PCDHGA9: variants seen among roughly 807,000 people sequenced by gnomAD.
PCDHGA9 encodes protocadherin gamma subfamily A, 9, also known as protocadherin gamma-A9.
PCDHGA9 carries 37 observed loss-of-function variants against 62.5 expected under a neutral mutation model. The ratio of observed to expected loss-of-function variants is 0.59; its 90% CI spans 0.46 to 0.78. The LOEUF is 0.78. Ranked by LOEUF, PCDHGA9 falls within the 30% of genes least tolerant of loss-of-function variation. The probability of loss-of-function intolerance (pLI) is 0.00; values close to 1 mark genes in which losing one functional copy is unlikely to be tolerated. For synonymous variants in PCDHGA9, 459 were observed against 484.6 expected, an observed-to-expected ratio of 0.95 and a Z score of 0.69; for missense variants, 1,138 against 1,166.2, an observed-to-expected ratio of 0.98 and a Z score of 0.35.
intron 2 of PCDHGA9, among the ~76,000 whole-genome samples, chr5:141,504,268 T>A (rs539485141): frequency 2.2e-4 from 34 of 152,348 alleles, no homozygotes; most frequent in Admixed American, 1.3e-3. Context: ...AGTATTTTTT[T>A]AAATTATGAA....
At chr5:141,433,321 G>T in intron 1 of PCDHGA9, 1 of 788,106 alleles carries the variant, frequency 1.3e-6, no homozygotes. Flanking sequence ...TGCCTCCGGT[G>T]TAACAGGGAC....
In PCDHGA9 at chr5:141,421,903, G is replaced by T. The variant is rs757656265; in HGVS notation, c.2424+16527G>T. 2.5e-6 allele frequency: 4 copies of T among 1,613,704 alleles called. No homozygotes were observed. In the East Asian group the frequency reaches 6.7e-5, roughly 27 times the overall value. ...TGGAGGCGATCCCATCCGAAAGGGCGCAGTTCCCATTCGTGTGGTGGTCCT... is the reference window on the plus strand; with the variant it reads ...TGGAGGCGATCCCATCCGAAAGGGCTCAGTTCCCATTCGTGTGGTGGTCCT... On this transcript the variant is annotated intron_variant, in intron 1 of 3. Transcript: ENST00000573521.
chr5:141,447,298 C>T lies in PCDHGA9; in HGVS notation c.2424+41922C>T, dbSNP rs187482431. 1.7e-3 allele frequency among the ~76,000 whole-genome samples: 260 copies of T among 152,214 alleles called. 2 individuals carry two copies. Among genetic ancestry groups the T allele is most frequent in the African/African-American group, 5.8e-3 (239 of 41,534 alleles). ...GGGACTACAGGCACATGCCACCACA[C>T]CCGGCTAATTTTTGTATTTTTAGTA... On this transcript the variant is annotated intron_variant, in intron 1 of 3. Coordinates refer to ENST00000573521, the MANE Select transcript of PCDHGA9 (RefSeq NM_018921.3).
chr5:141,422,926 G>GC, intron 1 of PCDHGA9: 1 of 1,614,230 alleles, frequency 6.2e-7, no homozygotes, highest in African/African-American at 1.3e-5. Context: ...CCTGTACCCT[G>GC]CCCTCCCCAC....
In PCDHGA9 at chr5:141,476,073, A is replaced by C. The variant is rs765071344; in HGVS notation, c.2425-18734A>C. On this transcript the variant is annotated intron_variant, in intron 1 of 3. Coordinates refer to ENST00000573521, the MANE Select transcript of PCDHGA9 (RefSeq NM_018921.3). The surrounding 1 kb of genome is among the most constrained non-coding windows in gnomAD (Gnocchi z 7.6). ...GCTGAAAGTTTCTCAGCGAAATCTC[A>C]GGGACGATCTGGACCCCGCTGAGAG... 4 of 1,524,010 alleles carry C rather than the reference A, an allele frequency of 2.6e-6. No individual in the cohort carries two copies. Among genetic ancestry groups the C allele is most frequent in the Admixed American group, 4.2e-5 (2 of 47,746 alleles). The allele number at this position is 1,524,010 out of a possible 1,614,324, so 94.4% of individuals were successfully genotyped here. A position where few individuals can be genotyped will look rare whatever the true frequency, so the allele number is the denominator to read the frequency against.
At position 141,403,724 on chromosome 5, in the gene PCDHGA9, G is replaced by A. The variant is rs373210176; in HGVS notation, c.772G>A (p.Gly258Ser). ...TAAAGTCCTTGAGAACGTGCCCCCA[G>A]GCACCTGGCTGCTTACTGCAACAGC... ...RVKVLENVPPGTWLLTATASD... is the reference protein window; with the variant it reads ...RVKVLENVPPSTWLLTATASD... The change falls in exon 1 of 4, where the codon GGC becomes AGC. Residue 258 changes from glycine to serine, a missense_variant. By Grantham distance (56) the Gly-to-Ser change is moderately conservative. Coordinates refer to ENST00000573521, the MANE Select transcript of PCDHGA9 (RefSeq NM_018921.3). 2 of 1,613,924 alleles carry A rather than the reference G, an allele frequency of 1.2e-6. No individual in the cohort carries two copies. The highest frequency in any genetic ancestry group is 1.7e-6 in the Non-Finnish European group (2 of 1,179,888).
intron 1 of PCDHGA9, among the ~76,000 whole-genome samples, chr5:141,425,293 T>A (rs1332220576): frequency 1.3e-5 from 2 of 152,172 alleles, no homozygotes; most frequent in African/African-American, 4.8e-5. Context: ...TTATAAAACC[T>A]CATCTAAACT....
chr5:141,427,892 C>G (rs752723370), intron 1 of PCDHGA9: 2 of 1,567,044 alleles, frequency 1.3e-6, no homozygotes, highest in African/African-American at 2.7e-5. Context: ...ACGACCAGGG[C>G]TCGCCCGCGC....
At chr5:141,411,982 A>T (rs2154543855) in intron 1 of PCDHGA9, 1 of 152,346 alleles carries the variant, frequency 6.6e-6, no homozygotes, top group East Asian at 1.9e-4. Context: ...AGAGTTCTAT[A>T]CTTGGAAGGC....
chr5:141,427,766 G>A lies in PCDHGA9; in HGVS notation c.2424+22390G>A, dbSNP rs549550151. The A allele has an allele frequency of 1.1e-4, 152 of 1,386,456 alleles. No homozygotes were observed. In the African/African-American group the frequency reaches 1.8e-3, roughly 17 times the overall value. The allele number at this position is 1,386,456 out of a possible 1,614,324, so 85.9% of individuals were successfully genotyped here. ...CCTACTCCATCGTTACCACTGACTT[G>A]GAGCTGCGGGCACTGTCGTCCTACG... On this transcript the variant is annotated intron_variant, in intron 1 of 3. Transcript: ENST00000573521.
At chr5:141,479,476 G>A (rs1481785254) in intron 1 of PCDHGA9, 1 of 152,250 alleles carries the variant, frequency 6.6e-6, no homozygotes, top group African/African-American at 2.4e-5. Context: ...CCTCTTGGGA[G>A]GGCAGGACCA....
chr5:141,511,443 C>A lies in PCDHGA9; in HGVS notation c.*270C>A. On this transcript the variant is annotated 3_prime_UTR_variant, in exon 4 of 4. Coordinates refer to ENST00000573521, the MANE Select transcript of PCDHGA9 (RefSeq NM_018921.3). ...GGGGTAGTGGGGTTACTGTAGACAC[C>A]AAGAACCATTTGCCACACCCCGTTT... 1 of 670,886 alleles carries A rather than the reference C, an allele frequency of 1.5e-6. No homozygotes were observed. Among genetic ancestry groups the A allele is most frequent in the Non-Finnish European group, 2.4e-6 (1 of 421,442 alleles). 41.6% of individuals were successfully genotyped at this position (670,886 alleles called of 1,614,324 possible).
intron 1 of PCDHGA9, among the ~76,000 whole-genome samples, chr5:141,461,557 C>T (rs2154567400): frequency 6.6e-6 from 1 of 152,122 alleles, no homozygotes; most frequent in East Asian, 1.9e-4. Context: ...CAGATGTGTA[C>T]TTTGCAAAGA....
At position 141,431,496 on chromosome 5, in the gene PCDHGA9, A is replaced by C. The variant is rs1223687647; in HGVS notation, c.2424+26120A>C. On this transcript the variant is annotated intron_variant, in intron 1 of 3. Coordinates refer to ENST00000573521, the MANE Select transcript of PCDHGA9 (RefSeq NM_018921.3). This position sits in a 1 kb window ranked among gnomAD's most constrained non-coding sequence, Gnocchi z 4.8. ...AACGCACCAGCGTTTGCTCAGCCCGAGTACCGCGCGAGCGTTCCGGAGAAT... is the reference window on the plus strand; with the variant it reads ...AACGCACCAGCGTTTGCTCAGCCCGCGTACCGCGCGAGCGTTCCGGAGAAT... 5 of 1,614,020 alleles carry C rather than the reference A, an allele frequency of 3.1e-6. No individual in the cohort carries two copies. The South Asian group carries it at 4.4e-5, about 14-fold the overall frequency.
chr5:141,491,022 C>T lies in PCDHGA9; in HGVS notation c.2425-3785C>T, dbSNP rs1431293281. 6.8e-6 allele frequency: 11 copies of T among 1,614,116 alleles called. No homozygotes were observed. Among genetic ancestry groups the T allele is most frequent in the East Asian group, 2.2e-5 (1 of 44,886 alleles). On this transcript the variant is annotated intron_variant, in intron 1 of 3. Coordinates refer to ENST00000573521, the MANE Select transcript of PCDHGA9 (RefSeq NM_018921.3). The surrounding 1 kb of genome is among the most constrained non-coding windows in gnomAD (Gnocchi z 6.9). ...GCTCCTTGGTCACCAAGGTGACAGCCGTGGATGCTGATGCAGGCCACAATG... is the reference window on the plus strand; with the variant it reads ...GCTCCTTGGTCACCAAGGTGACAGCTGTGGATGCTGATGCAGGCCACAATG...
In PCDHGA9 at chr5:141,404,333, C is replaced by A; in HGVS notation, c.1381C>A (p.Leu461Ile). 1.9e-6 allele frequency: 3 copies of A among 1,613,854 alleles called. No homozygotes were observed. The highest frequency in any genetic ancestry group is 1.1e-5 in the South Asian group (1 of 91,068). Residue 461 changes from leucine (L) to isoleucine (I), a missense_variant, in exon 1 of 4, where the codon CTC (leucine) becomes ATC (isoleucine). Coordinates refer to ENST00000573521, the MANE Select transcript of PCDHGA9 (RefSeq NM_018921.3). ...AFSQASYSVY[L>I]PENNARGTSI... ...CTCTCAAGCCTCCTACTCAGTCTAC[C>A]TCCCGGAAAACAACGCCAGAGGTAC... is the stretch of plus-strand genomic sequence containing the variant.
intron 1 of PCDHGA9, among the ~76,000 whole-genome samples, chr5:141,442,612 A>C (rs1180568407): frequency 6.6e-6 from 1 of 152,212 alleles, no homozygotes; most frequent in Non-Finnish European, 1.5e-5. Flanking sequence ...ATCTCAGTAA[A>C]AAGCATTTCT....
Position 141,431,972 on chromosome 5 carries a change from G to T in PCDHGA9, c.2424+26596G>T, listed in dbSNP as rs750484866. On this transcript the variant is annotated intron_variant, in intron 1 of 3. Coordinates refer to ENST00000573521, the MANE Select transcript of PCDHGA9 (RefSeq NM_018921.3). The surrounding 1 kb of genome is among the most constrained non-coding windows in gnomAD (Gnocchi z 4.8). ...ATCTTACGGAAATTACTATAGTTTA[G>T]TCACAGACATAGTCTTGGATAGGGA... is the stretch of plus-strand genomic sequence containing the variant. The T allele has an allele frequency of 8.1e-6, 13 of 1,614,072 alleles. No homozygotes were observed. Among genetic ancestry groups the T allele is most frequent in the Non-Finnish European group, 1.1e-5 (13 of 1,180,028 alleles).
At chr5:141,418,348 T>C in intron 1 of PCDHGA9, 4 of 1,613,982 alleles carry the variant, frequency 2.5e-6, no homozygotes, top group Non-Finnish European at 3.4e-6. Context: ...CTGATATTAG[T>C]ATGAATTCGC....
Sources: gnomAD v4.1 joint callset for allele counts (sites outside exome capture counted in the v4.1 genomes callset) on GRCh38, gnomAD v4.1.1 for gene constraint, Gnocchi (gnomAD v3.1) non-coding constraint, MANE v1.5 for transcripts, NCBI Gene and HGNC (gene_info 2026-07-23, HGNC 2026-07-21) for gene names.